The following ROBO1 variants were observed in gnomAD, a reference collection of about 807,000 sequenced individuals.
ROBO1 encodes roundabout guidance receptor 1, also known as roundabout homolog 1.
Under a neutral mutation model 195.9 loss-of-function variants are expected in ROBO1, and 149 were observed. The observed-to-expected ratio is 0.76, with a 90% CI of 0.67 to 0.87. The LOEUF (loss-of-function observed/expected upper bound fraction) is 0.87. Ranked by LOEUF, ROBO1 falls within the 40% of genes least tolerant of loss-of-function variation. The probability of loss-of-function intolerance (pLI) is 0.00; values close to 1 mark genes in which losing one functional copy is unlikely to be tolerated. For missense variants in ROBO1, 1,933 were observed against 2,068.3 expected (o/e 0.93, Z 1.27); for synonymous variants, 816 against 733.2 (o/e 1.11, Z -1.82).
chr3:79,525,541 T>G (rs564772525), intron 2 of ROBO1, among the ~76,000 whole-genome samples: 8 of 138,084 alleles, frequency 5.8e-5, no homozygotes, highest in East Asian at 3.9e-4. Flanking sequence ...ATACTTCAGA[T>G]ATATATATAT....
chr3:78,669,937 A>G (rs146059285), intron 11 of ROBO1, among the ~76,000 whole-genome samples, 159 bp downstream of exon 11: 195 of 152,286 alleles, frequency 1.3e-3, no homozygotes, highest in African/African-American at 4.3e-3. Flanking sequence ...AACATATACA[A>G]TGAAATATCT....
At position 79,506,027 on chromosome 3, in the gene ROBO1, G is replaced by A. The variant is rs537105003; in HGVS notation, c.88+83797C>T. On this transcript the variant is annotated intron_variant, in intron 2 of 30. Coordinates refer to ENST00000464233, the MANE Select transcript of ROBO1 (RefSeq NM_002941.4). ...TACTAACTATATTAAGAGGGTTAAT[G>A]TTAAGCCTGGACTGGAAATACACCT... Among the ~76,000 whole-genome samples, 12 of 152,264 alleles carry A rather than the reference G, an allele frequency of 7.9e-5. No homozygotes were observed. The South Asian group carries it at 2.3e-3, about 29-fold the overall frequency.
intron 5 of ROBO1, among the ~76,000 whole-genome samples, chr3:78,734,577 C>T (rs914179798): frequency 2.0e-5 from 3 of 147,436 alleles, no homozygotes; most frequent in African/African-American, 7.5e-5. Flanking sequence ...ACAAATAAAA[C>T]CAAAAGACTT....
rs995205091 is a variant in ROBO1, at chr3:78,693,187, G to T, written c.1046-4415C>A. The T allele has an allele frequency of 4.7e-5, 42 of 886,400 alleles. 1 individual carries two copies. The South Asian group carries it at 5.0e-4, about 11-fold the overall frequency. The allele number at this position is 886,400 out of a possible 1,614,324, so 54.9% of individuals were successfully genotyped here. On this transcript the variant is annotated intron_variant, in intron 8 of 30. Coordinates refer to ENST00000464233, the MANE Select transcript of ROBO1 (RefSeq NM_002941.4). ...CTTTTCACAGTTACCCATACTTCCTGCAGACTTTATTCTGTGCAGTCTGTC... is the reference window on the plus strand; with the variant it reads ...CTTTTCACAGTTACCCATACTTCCTTCAGACTTTATTCTGTGCAGTCTGTC...
chr3:79,594,507 C>T (rs759972136), intron 1 of ROBO1, among the ~76,000 whole-genome samples: 1 of 151,810 alleles, frequency 6.6e-6, no homozygotes, highest in South Asian at 2.1e-4. Flanking sequence ...AATTTAAATG[C>T]CTAAAAATAT....
At chr3:78,780,171 G>A (rs1025474527) in intron 4 of ROBO1, among the ~76,000 whole-genome samples, 8 of 151,868 alleles carry the variant, frequency 5.3e-5, no homozygotes, top group African/African-American at 1.9e-4. Flanking sequence ...CAGGTTGATG[G>A]GTACAGCACA....
intron 2 of ROBO1, among the ~76,000 whole-genome samples, chr3:79,175,292 A>T (rs1464837973): frequency 3.3e-5 from 5 of 152,106 alleles, no homozygotes; most frequent in African/African-American, 1.2e-4. Flanking sequence ...TATTTGCAGT[A>T]ATCCTCAGTT....
intron 1 of ROBO1, among the ~76,000 whole-genome samples, chr3:79,751,312 T>G (rs1704119801): frequency 6.6e-6 from 1 of 152,180 alleles, no homozygotes; most frequent in African/African-American, 2.4e-5. Context: ...TAAATTCAGT[T>G]ATTGTATTAT....
chr3:78,598,904 T>C lies in ROBO1; in HGVS notation c.*9A>G. 6.4e-7 allele frequency: 1 copy of C among 1,566,896 alleles called. No homozygotes were observed. Among genetic ancestry groups the C allele is most frequent in the African/African-American group, 1.4e-5 (1 of 73,594 alleles). On this transcript the variant is annotated 3_prime_UTR_variant, in exon 31 of 31. Transcript: ENST00000464233. ...TTCACATTAGATCTCATAAGCCTCT[T>C]GGTTGTCTTCAGCTTTCAGTTTCCT...
chr3:79,308,181 T>G (rs920614264), intron 2 of ROBO1, among the ~76,000 whole-genome samples: 5 of 152,218 alleles, frequency 3.3e-5, no homozygotes, highest in Non-Finnish European at 7.3e-5. Flanking sequence ...TAAAAATGTA[T>G]GTACTCATTA....
intron 28 of ROBO1, among the ~76,000 whole-genome samples, chr3:78,611,368 G>T (rs961242721): frequency 6.6e-6 from 1 of 152,158 alleles, no homozygotes; most frequent in African/African-American, 2.4e-5. Flanking sequence ...GAAGAGAGAG[G>T]ATGGAAAGAA....
intron 3 of ROBO1, among the ~76,000 whole-genome samples, chr3:78,949,178 A>G: frequency 7.3e-6 from 1 of 137,304 alleles, no homozygotes; most frequent in East Asian, 2.0e-4. Context: ...TTCATATGGA[A>G]CCAAAAAAGA....
intron 2 of ROBO1, among the ~76,000 whole-genome samples, chr3:79,475,564 G>A (rs1488954991): frequency 2.0e-5 from 3 of 151,812 alleles, no homozygotes; most frequent in African/African-American, 7.3e-5. Context: ...GATTAGAATA[G>A]AACAAAAAAA....
At chr3:78,793,728 T>C (rs1180116908) in intron 4 of ROBO1, among the ~76,000 whole-genome samples, 1 of 152,012 alleles carries the variant, frequency 6.6e-6, no homozygotes, top group Non-Finnish European at 1.5e-5. Flanking sequence ...AGAGGAGAAG[T>C]AGAAACTGAA....
chr3:79,227,418 C>G (rs902161), intron 2 of ROBO1, among the ~76,000 whole-genome samples: 4,507 of 152,254 alleles, frequency 0.03, 191 homozygotes, highest in African/African-American at 0.098. Context: ...TCGGTCTTCC[C>G]TACTGAGCTT....
intron 4 of ROBO1, among the ~76,000 whole-genome samples, chr3:78,883,461 A>C (rs111306023): frequency 6.6e-6 from 1 of 151,976 alleles, no homozygotes; most frequent in Non-Finnish European, 1.5e-5. Flanking sequence ...AACTCACTGA[A>C]GCCTCAAACT....
chr3:79,300,561 A>G (rs2032875756), intron 2 of ROBO1, among the ~76,000 whole-genome samples: 2 of 152,102 alleles, frequency 1.3e-5, no homozygotes, highest in South Asian at 4.1e-4. Context: ...CCCCCGCTCC[A>G]TGGCGCCCAG....
intron 4 of ROBO1, among the ~76,000 whole-genome samples, chr3:78,864,919 A>G (rs2035075434): frequency 6.6e-6 from 1 of 152,200 alleles, no homozygotes; most frequent in Non-Finnish European, 1.5e-5. Context: ...AATGGTTTGA[A>G]AAAATGGCTA....
intron 2 of ROBO1, among the ~76,000 whole-genome samples, chr3:79,510,552 CTTT>C (rs11293666): frequency 8.3e-5 from 12 of 144,484 alleles, no homozygotes; most frequent in African/African-American, 2.3e-4. Flanking sequence ...ATCCTTTCTT[CTTT>C]TTTTTTTTTT....
Sources: gnomAD v4.1 joint callset for allele counts (sites outside exome capture counted in the v4.1 genomes callset) on GRCh38, gnomAD v4.1.1 for gene constraint, MANE v1.5 for transcripts, NCBI Gene and HGNC (gene_info 2026-07-23, HGNC 2026-07-21) for gene names.